PTPRD: variants seen among roughly 807,000 people sequenced by gnomAD.
The protein encoded by PTPRD is receptor-type tyrosine-protein phosphatase delta.
Under a neutral mutation model 214.5 loss-of-function variants are expected in PTPRD, and 34 were observed. That is an observed-to-expected ratio of 0.16 (90% confidence interval 0.12 to 0.21). The LOEUF is 0.21. Among genes scored for constraint, PTPRD ranks in the 10% least tolerant of loss-of-function variants. The pLI, the probability that PTPRD is intolerant of heterozygous loss-of-function variation, is 1.00. For synonymous variants in PTPRD, 1,128 were observed against 845.7 expected (o/e 1.33, Z -5.79); for missense variants, 2,545 against 2,398.7 (o/e 1.06, Z -1.27).
chr9:8,638,805 G>A (rs1406019188), intron 12 of PTPRD, among the ~76,000 whole-genome samples: 2 of 152,114 alleles, frequency 1.3e-5, no homozygotes, highest in Admixed American at 6.5e-5. Context: ...ACTAGGAGCT[G>A]TGGGAAGTAC....
chr9:10,121,346 G>A (rs2098773773), intron 3 of PTPRD, among the ~76,000 whole-genome samples: 2 of 152,152 alleles, frequency 1.3e-5, no homozygotes, highest in Non-Finnish European at 2.9e-5. Flanking sequence ...CAATTTGGAA[G>A]CAGATTTATT....
intron 11 of PTPRD, among the ~76,000 whole-genome samples, chr9:8,817,006 T>A (rs1459551520): frequency 6.6e-6 from 1 of 152,220 alleles, no homozygotes; most frequent in Non-Finnish European, 1.5e-5. Flanking sequence ...ACTCAGCATT[T>A]TTAAGGCAAG....
chr9:9,268,707 G>C (rs755413394), intron 9 of PTPRD, among the ~76,000 whole-genome samples: 25 of 149,628 alleles, frequency 1.7e-4, no homozygotes, highest in Non-Finnish European at 3.1e-4. Flanking sequence ...ATAAACCCAT[G>C]TTTACCATCA....
chr9:9,354,458 C>A (rs2052852644), intron 9 of PTPRD, among the ~76,000 whole-genome samples: 1 of 151,602 alleles, frequency 6.6e-6, no homozygotes, highest in African/African-American at 2.4e-5. Flanking sequence ...TTAATAAGGT[C>A]TTGTAATATG....
intron 9 of PTPRD, among the ~76,000 whole-genome samples, chr9:9,299,277 G>C (rs796630517): frequency 5.9e-5 from 9 of 151,826 alleles, no homozygotes; most frequent in African/African-American, 2.2e-4. Context: ...TTACAGCAGT[G>C]GTTATCAACC....
At chr9:10,015,460 G>C (rs540773906) in intron 4 of PTPRD, among the ~76,000 whole-genome samples, 37 of 152,126 alleles carry the variant, frequency 2.4e-4, no homozygotes, top group East Asian at 1.4e-3. Context: ...AAACCCTTTG[G>C]GAACAATTAA....
At chr9:8,932,601 C>A (rs2098960650) in intron 11 of PTPRD, among the ~76,000 whole-genome samples, 1 of 152,174 alleles carries the variant, frequency 6.6e-6, no homozygotes, top group African/African-American at 2.4e-5. Context: ...TTCAGTCTGG[C>A]TACAACAGCT....
At chr9:10,200,822 A>G (rs531024549) in intron 3 of PTPRD, among the ~76,000 whole-genome samples, 2 of 152,266 alleles carry the variant, frequency 1.3e-5, no homozygotes, top group East Asian at 1.9e-4. Context: ...ATTGATGTCA[A>G]TTGAAAGCAT....
chr9:8,342,822 A>G (rs969311234), intron 39 of PTPRD, among the ~76,000 whole-genome samples: 8 of 152,136 alleles, frequency 5.3e-5, no homozygotes, highest in Non-Finnish European at 8.8e-5. Context: ...GAAGGGACAT[A>G]ATACTTTATA....
intron 9 of PTPRD, among the ~76,000 whole-genome samples, chr9:9,390,569 G>A (rs2065453702): frequency 6.6e-6 from 1 of 152,082 alleles, no homozygotes; most frequent in African/African-American, 2.4e-5. Flanking sequence ...ATTTAAAAAT[G>A]TGTTATTATT....
intron 5 of PTPRD, among the ~76,000 whole-genome samples, chr9:9,890,755 G>A (rs933771615): frequency 3.0e-4 from 46 of 151,938 alleles, no homozygotes; most frequent in Non-Finnish European, 5.7e-4. Flanking sequence ...ATCGGAAGGG[G>A]TGTAATTTCC....
At chr9:8,830,541 C>T (rs912807751) in intron 11 of PTPRD, among the ~76,000 whole-genome samples, 1 of 152,042 alleles carries the variant, frequency 6.6e-6, no homozygotes, top group African/African-American at 2.4e-5. Context: ...CAATTAAGTG[C>T]TCTGTGACCA....
At chr9:10,062,299 G>A (rs1679089378) in intron 3 of PTPRD, among the ~76,000 whole-genome samples, 1 of 152,016 alleles carries the variant, frequency 6.6e-6, no homozygotes, top group Non-Finnish European at 1.5e-5. Flanking sequence ...TTTCTATGGA[G>A]CATTTATAAA....
At chr9:10,611,916 C>CT (rs1441523985) in intron 2 of PTPRD, among the ~76,000 whole-genome samples, 3 of 91,586 alleles carry the variant, frequency 3.3e-5, no homozygotes, top group Admixed American at 1.1e-4. Context: ...CCCCCCCCCC[C>CT]TTTTTTTTTC....
intron 7 of PTPRD, among the ~76,000 whole-genome samples, chr9:9,655,575 A>AAAACCAAACC (rs61637963): frequency 1.3e-3 from 155 of 121,412 alleles, no homozygotes; most frequent in African/African-American, 3.1e-3. Flanking sequence ...TCTCAAAGGG[A>AAAACCAAACC]AAACCAAACC....
chr9:10,417,810 G>T (rs772324972), intron 2 of PTPRD, among the ~76,000 whole-genome samples: 1 of 151,796 alleles, frequency 6.6e-6, no homozygotes, highest in Non-Finnish European at 1.5e-5. Flanking sequence ...CTTAATTAGA[G>T]AAGCGATCTA....
At position 10,092,455 on chromosome 9, in the gene PTPRD, G is replaced by A. The variant is rs1171073067; in HGVS notation, c.-544-58665C>T. Among the ~76,000 whole-genome samples the A allele has an allele frequency of 4.0e-5, 6 of 151,340 alleles. No individual in the cohort carries two copies. The East Asian group carries it at 9.8e-4, about 25-fold the overall frequency. Reference sequence around the variant, plus strand: ...ATTTCTGCTGAGAAAATTTGGAAATGGTTTAAGTCATATTATATTATGGTC... The same window carrying A: ...ATTTCTGCTGAGAAAATTTGGAAATAGTTTAAGTCATATTATATTATGGTC... On this transcript the variant is annotated intron_variant, in intron 3 of 45. Coordinates refer to ENST00000381196, the MANE Select transcript of PTPRD (RefSeq NM_002839.4).
At chr9:8,484,478 G>T (rs2096954946) in intron 29 of PTPRD, 100 bp from the exon 30 acceptor site, 3 of 1,201,334 alleles carry the variant, frequency 2.5e-6, no homozygotes, top group Non-Finnish European at 3.4e-6. Flanking sequence ...TGTATATATA[G>T]TCAATTCTAA....
At chr9:9,666,585 G>C (rs2096726656) in intron 7 of PTPRD, among the ~76,000 whole-genome samples, 1 of 151,894 alleles carries the variant, frequency 6.6e-6, no homozygotes, top group Non-Finnish European at 1.5e-5. Flanking sequence ...ATGTGTCTTT[G>C]AAGTCATTGA....
Sources: gnomAD v4.1 joint callset for allele counts (sites outside exome capture counted in the v4.1 genomes callset) on GRCh38, gnomAD v4.1.1 for gene constraint, MANE v1.5 for transcripts, NCBI Gene and HGNC (gene_info 2026-07-23, HGNC 2026-07-21) for gene names.